Variants in DPP6 observed in about 807,000 individuals in gnomAD.
DPP6 encodes A-type potassium channel modulatory protein DPP6.
A neutral mutation model predicts 122.6 loss-of-function variants in DPP6; 69 were observed. The observed-to-expected ratio is 0.56, with a 90% CI of 0.46 to 0.69. The LOEUF is 0.69. DPP6 is among the 30% of genes least tolerant of loss of function. The pLI is 0.00. For synonymous variants in DPP6, 418 were observed against 433.1 expected (o/e 0.97, Z 0.43); for missense variants, 928 against 1,116.9 (o/e 0.83, Z 2.41).
At chr7:154,781,842 CA>C (rs1236307995) in intron 10 of DPP6, among the ~76,000 whole-genome samples, 2 of 152,182 alleles carry the variant, frequency 1.3e-5, no homozygotes, top group Non-Finnish European at 2.9e-5. Flanking sequence ...ACACAACTGT[CA>C]GAACATTTGC....
chr7:154,609,828 T>C (rs937009), intron 5 of DPP6, among the ~76,000 whole-genome samples: 61,427 of 152,042 alleles, frequency 0.4, 13,423 homozygotes, highest in East Asian at 0.65. Flanking sequence ...TTCCAGTTAA[T>C]GTATTATAAG....
At chr7:154,360,531 C>T (rs1055616345) in intron 1 of DPP6, among the ~76,000 whole-genome samples, 5 of 152,170 alleles carry the variant, frequency 3.3e-5, no homozygotes, top group Non-Finnish European at 7.3e-5. Flanking sequence ...GTTGTGAATG[C>T]GTGTGTTGCT....
chr7:154,283,548 C>T (rs1303020339), intron 1 of DPP6, among the ~76,000 whole-genome samples: 1 of 152,130 alleles, frequency 6.6e-6, no homozygotes, highest in Non-Finnish European at 1.5e-5. Context: ...CAGCAATAAA[C>T]TAGGCAGGGC....
intron 25 of DPP6, chr7:154,890,588 T>C (rs1458708277): frequency 6.6e-6 from 1 of 152,160 alleles, no homozygotes; most frequent in Non-Finnish European, 1.5e-5. Context: ...CCCCAAGATA[T>C]GGGGCGAGCT....
chr7:154,400,899 C>T (rs929689397), intron 1 of DPP6, among the ~76,000 whole-genome samples: 2 of 152,046 alleles, frequency 1.3e-5, no homozygotes. Flanking sequence ...ATGAATTGCA[C>T]AGCTAATTTA....
intron 2 of DPP6, among the ~76,000 whole-genome samples, chr7:154,461,876 T>C (rs1273138604): frequency 6.6e-6 from 1 of 152,202 alleles, no homozygotes; most frequent in East Asian, 1.9e-4. Context: ...GTGATTCCAA[T>C]TGTCCATTTT....
In DPP6 at chr7:154,692,344, T is replaced by C. The variant is rs940116326; in HGVS notation, c.762+22903T>C. ...TTAAGATACTTATTTTGCATAATTA[T>C]TGGGCAAATCTGAGGTAATGTATGT... is the stretch of plus-strand genomic sequence containing the variant. On this transcript the variant is annotated intron_variant, in intron 7 of 25. Coordinates refer to ENST00000377770, the MANE Select transcript of DPP6 (RefSeq NM_130797.4). Among the ~76,000 whole-genome samples the C allele has an allele frequency of 2.7e-4, 41 of 152,214 alleles. 1 individual carries two copies. Among genetic ancestry groups the C allele is most frequent in the Non-Finnish European group, 4.4e-5 (3 of 68,036 alleles).
chr7:154,040,354 T>G (rs1799698489), intron 1 of DPP6, among the ~76,000 whole-genome samples: 1 of 148,966 alleles, frequency 6.7e-6, no homozygotes, highest in African/African-American at 2.6e-5. Context: ...TGGATCAAAA[T>G]AAGGAAAAAC....
At chr7:154,096,770 C>A (rs1282580778) in intron 1 of DPP6, among the ~76,000 whole-genome samples, 5 of 152,082 alleles carry the variant, frequency 3.3e-5, no homozygotes, top group African/African-American at 1.2e-4. Context: ...GATTTGCTGT[C>A]TCTGTGTGTG....
chr7:153,851,791 A>T, the DPP6 span, among the ~76,000 whole-genome samples: 1 of 152,054 alleles, frequency 6.6e-6, no homozygotes, highest in African/African-American at 2.4e-5. Context: ...CAAATCCCAG[A>T]TCTATCTTCT....
In DPP6 at chr7:153,980,734, C is replaced by G. The variant is rs558473335; in HGVS notation, c.51+93000C>G. Among the ~76,000 whole-genome samples the G allele has an allele frequency of 1.2e-4, 18 of 152,312 alleles. No homozygotes were observed. The East Asian group carries it at 3.3e-3, about 28-fold the overall frequency. ...CTGCTTTAGCTTTGTCCCAGGGATT[C>G]TGGTACATTGTGCCTTTGTTCTCAT... is the stretch of plus-strand genomic sequence containing the variant. On this transcript the variant is annotated intron_variant, in intron 1 of 25. Transcript: ENST00000404039.
chr7:154,592,201 G>A (rs1025643113), intron 5 of DPP6, among the ~76,000 whole-genome samples: 7 of 152,356 alleles, frequency 4.6e-5, no homozygotes, highest in Non-Finnish European at 1.0e-4. Flanking sequence ...GCCAGCAGAT[G>A]TGGGCCAGAG....
intron 1 of DPP6, among the ~76,000 whole-genome samples, chr7:154,292,194 C>T (rs542680709): frequency 9.2e-5 from 14 of 152,080 alleles, no homozygotes; most frequent in Non-Finnish European, 2.1e-4. Flanking sequence ...TTATGAATGG[C>T]ACCACCGACA....
intron 1 of DPP6, among the ~76,000 whole-genome samples, chr7:154,320,553 G>A (rs1256729913): frequency 6.6e-6 from 1 of 151,868 alleles, no homozygotes; most frequent in Non-Finnish European, 1.5e-5. Context: ...GTGCGATCTC[G>A]GCTCACAGCA....
chr7:153,845,184 G>T, the DPP6 span, among the ~76,000 whole-genome samples: 1 of 152,056 alleles, frequency 6.6e-6, no homozygotes, highest in African/African-American at 2.4e-5. Context: ...CTTATATTAA[G>T]AATGCTTATA....
chr7:154,408,527 C>T (rs1188003076), intron 1 of DPP6, among the ~76,000 whole-genome samples: 1 of 151,754 alleles, frequency 6.6e-6, no homozygotes, highest in Non-Finnish European at 1.5e-5. Context: ...TCTTATTTAC[C>T]CCTTACACAA....
chr7:154,327,319 T>C (rs549688470), intron 1 of DPP6, among the ~76,000 whole-genome samples: 2 of 152,302 alleles, frequency 1.3e-5, no homozygotes, highest in South Asian at 4.1e-4. Context: ...CCAGTCCTGG[T>C]TTATGGCAAT....
chr7:154,528,631 G>T (rs1266064163), intron 3 of DPP6, among the ~76,000 whole-genome samples: 1 of 152,208 alleles, frequency 6.6e-6, no homozygotes. Context: ...GGAAGCTGTG[G>T]CCTCTTCTCT....
chr7:154,468,873 G>A (rs1032008834), intron 2 of DPP6, among the ~76,000 whole-genome samples: 3 of 152,180 alleles, frequency 2.0e-5, no homozygotes, highest in Non-Finnish European at 4.4e-5. Context: ...AGATAAATTA[G>A]TATCTCTGTG....
Sources: allele counts gnomAD v4.1 joint callset (sites outside exome capture counted in the v4.1 genomes callset), GRCh38; gene constraint gnomAD v4.1.1; transcripts MANE v1.5; gene names NCBI Gene and HGNC (gene_info 2026-07-23, HGNC 2026-07-21).